The following CDH8 variants were observed in gnomAD, a reference collection of about 807,000 sequenced individuals.
CDH8 encodes the protein cadherin 8.
In CDH8, 17 loss-of-function variants were observed where a neutral mutation model predicts 68.1. The observed-to-expected ratio is 0.25, with a 90% CI of 0.17 to 0.37. The LOEUF is 0.37. Ranked by LOEUF, CDH8 falls within the 10% of genes least tolerant of loss-of-function variation. CDH8 has a pLI of 1.00. For synonymous variants in CDH8, 372 were observed against 365.1 expected (o/e 1.02, Z -0.21); for missense variants, 763 against 999.3 (o/e 0.76, Z 3.19).
rs865785972 is a variant in CDH8 at position 61,856,973 on chromosome 16, A to G, written c.667+146T>C. The G allele has an allele frequency of 1.5e-4, 132 of 889,746 alleles. No individual in the cohort carries two copies. In the Middle Eastern group the frequency reaches 2.0e-3, roughly 13 times the overall value. 55.1% of individuals were successfully genotyped at this position (889,746 alleles called of 1,614,324 possible). A position where few individuals can be genotyped will look rare whatever the true frequency, so the allele number is the denominator to read the frequency against. ...AGCATCAAAAATGGTTGTAGGGCTC[A>G]CTGTGTACCTCATGTCGCATATTCA... On this transcript the variant is annotated intron_variant, in intron 4 of 11. Coordinates refer to ENST00000577390, the MANE Select transcript of CDH8 (RefSeq NM_001796.5).
chr16:61,830,476 C>T (rs1055673430), intron 4 of CDH8, among the ~76,000 whole-genome samples: 1 of 151,776 alleles, frequency 6.6e-6, no homozygotes, highest in African/African-American at 2.4e-5. Context: ...TTCTGACTCG[C>T]TATTTGCCAG....
At chr16:61,993,761 G>A (rs1439959052) in intron 2 of CDH8, among the ~76,000 whole-genome samples, 2 of 151,942 alleles carry the variant, frequency 1.3e-5, no homozygotes, top group East Asian at 3.9e-4. Flanking sequence ...AATATTTTAT[G>A]CACACGTAAG....
intron 4 of CDH8, among the ~76,000 whole-genome samples, chr16:61,848,511 G>A (rs1962866952): frequency 6.6e-6 from 1 of 151,902 alleles, no homozygotes; most frequent in South Asian, 2.1e-4. Flanking sequence ...TGGAGTGGGG[G>A]GATTATTTTA....
intron 8 of CDH8, among the ~76,000 whole-genome samples, chr16:61,754,846 T>A (rs1394638331): frequency 6.6e-6 from 1 of 152,126 alleles, no homozygotes; most frequent in Non-Finnish European, 1.5e-5. Flanking sequence ...ATGCTGAGAT[T>A]TGGGGTATGA....
At position 61,789,495 on chromosome 16, in the gene CDH8, C is replaced by T. The variant is rs1429583827; in HGVS notation, c.1278-13G>A. The T allele has an allele frequency of 2.5e-6, 4 of 1,611,092 alleles. No individual in the cohort carries two copies. The highest frequency in any genetic ancestry group is 3.4e-6 in the Non-Finnish European group (4 of 1,178,326). On this transcript the variant is annotated splice_polypyrimidine_tract_variant and intron_variant, in intron 7 of 11. Transcript: ENST00000577390. ...GTCGATGGAAAACCTACAAAACAGA[C>T]ACATCTGTAATCTACTTCAATGTTT...
intron 3 of CDH8, among the ~76,000 whole-genome samples, chr16:61,866,484 T>C (rs1438766710): frequency 6.6e-6 from 1 of 152,130 alleles, no homozygotes; most frequent in Admixed American, 6.6e-5. Flanking sequence ...GGCAGCATGA[T>C]GTAATTGAAA....
intron 10 of CDH8, among the ~76,000 whole-genome samples, chr16:61,656,255 C>A (rs557374327): frequency 6.6e-6 from 1 of 152,086 alleles, no homozygotes; most frequent in Admixed American, 6.5e-5. Context: ...GGAGTTTTAC[C>A]GTCATCACCT....
intron 1 of CDH8, among the ~76,000 whole-genome samples, chr16:62,035,481 C>T (rs1266115897): frequency 6.6e-6 from 1 of 152,168 alleles, no homozygotes; most frequent in Non-Finnish European, 1.5e-5. Flanking sequence ...CACCGCACCT[C>T]CCAGAGCTGG....
chr16:61,822,837 G>A (rs1461307929), intron 5 of CDH8, among the ~76,000 whole-genome samples: 1 of 151,798 alleles, frequency 6.6e-6, no homozygotes, highest in Non-Finnish European at 1.5e-5. Context: ...GTCCTACATG[G>A]GGAGTCTTGG....
At chr16:61,927,815 T>C (rs990307721) in intron 2 of CDH8, among the ~76,000 whole-genome samples, 8 of 152,224 alleles carry the variant, frequency 5.3e-5, no homozygotes, top group African/African-American at 1.4e-4. Flanking sequence ...AGCCTCAATG[T>C]ATCCATTTCA....
intron 2 of CDH8, among the ~76,000 whole-genome samples, chr16:61,925,824 G>T (rs533900677): frequency 6.6e-6 from 1 of 151,938 alleles, no homozygotes; most frequent in East Asian, 1.9e-4. Flanking sequence ...TTTTTTAGCA[G>T]GACACAACAA....
At chr16:61,900,040 T>G (rs1056858229) in intron 3 of CDH8, among the ~76,000 whole-genome samples, 1 of 152,228 alleles carries the variant, frequency 6.6e-6, no homozygotes, top group African/African-American at 2.4e-5. Flanking sequence ...TATGTCTGTA[T>G]ACTTCCTCTG....
rs1327770752 is a variant in CDH8 at position 62,034,113 on chromosome 16, A to G, written c.-200+1967T>C. Among the ~76,000 whole-genome samples, 5 of 152,010 alleles carry G rather than the reference A, an allele frequency of 3.3e-5. No individual in the cohort carries two copies. The East Asian group carries it at 9.7e-4, about 29-fold the overall frequency. On this transcript the variant is annotated intron_variant, in intron 1 of 11. Coordinates refer to ENST00000577390, the MANE Select transcript of CDH8 (RefSeq NM_001796.5). Reference sequence around the variant, plus strand: ...GGAAAAAGAATGTAACCCTAAGAGAACATCCTTCAAAGGTACCACTTCTCT... The same window carrying G: ...GGAAAAAGAATGTAACCCTAAGAGAGCATCCTTCAAAGGTACCACTTCTCT...
intron 7 of CDH8, among the ~76,000 whole-genome samples, chr16:61,800,982 G>T (rs767073899): frequency 2.0e-5 from 3 of 151,140 alleles, no homozygotes; most frequent in Non-Finnish European, 4.4e-5. Flanking sequence ...GATTTATTTT[G>T]CCTTATGAGT....
chr16:62,023,688 CG>C (rs1302792606), intron 1 of CDH8, among the ~76,000 whole-genome samples: 1 of 152,042 alleles, frequency 6.6e-6, no homozygotes, highest in East Asian at 1.9e-4. Flanking sequence ...CACAAAGTTA[CG>C]CAAAGATCTT....
intron 10 of CDH8, among the ~76,000 whole-genome samples, chr16:61,701,657 A>G (rs532416509): frequency 9.2e-5 from 14 of 152,308 alleles, no homozygotes; most frequent in Admixed American, 7.2e-4. Flanking sequence ...GTGAGTTTCA[A>G]TCATTAGCAA....
chr16:61,654,011 C>CGAATG lies in CDH8; in HGVS notation c.1992_1996dup (p.Arg666ProfsTer62). On this transcript the variant is annotated frameshift_variant, in exon 12 of 12. Transcript: ENST00000577390. LOFTEE classifies it high-confidence loss of function. ...CTCCCCTCCTCCTTCATCATCGTAG[C>CGAATG]GAATGATGTTTTCTCGAACGTCTTC... The CGAATG allele has an allele frequency of 6.2e-7, 1 of 1,613,362 alleles. No individual in the cohort carries two copies. Among genetic ancestry groups the CGAATG allele is most frequent in the Non-Finnish European group, 8.5e-7 (1 of 1,179,396 alleles).
chr16:61,687,215 G>C (rs571641405), intron 10 of CDH8, among the ~76,000 whole-genome samples: 1 of 151,738 alleles, frequency 6.6e-6, no homozygotes, highest in Non-Finnish European at 1.5e-5. Context: ...AACTGTAAAA[G>C]AAAGTGGCAA....
chr16:61,705,933 T>G (rs551343943), intron 10 of CDH8, among the ~76,000 whole-genome samples: 1 of 152,340 alleles, frequency 6.6e-6, no homozygotes, highest in Admixed American at 6.5e-5. Context: ...ATATACTGTA[T>G]AGAAGGGCAA....
Sources: gnomAD v4.1 joint callset for allele counts (sites outside exome capture counted in the v4.1 genomes callset) on GRCh38, gnomAD v4.1.1 for gene constraint, MANE v1.5 for transcripts, NCBI Gene and HGNC (gene_info 2026-07-23, HGNC 2026-07-21) for gene names.